METAP1: variants seen among roughly 807,000 people sequenced by gnomAD.
The protein encoded by METAP1 is methionine aminopeptidase 1.
A neutral mutation model predicts 53.8 loss-of-function variants in METAP1; 28 were observed. The observed-to-expected ratio is 0.52, with a 90% CI of 0.39 to 0.71. METAP1 has a LOEUF of 0.71. Among genes scored for constraint, METAP1 ranks in the 30% least tolerant of loss-of-function variants. The pLI, the probability that METAP1 is intolerant of heterozygous loss-of-function variation, is 0.00. For synonymous variants in METAP1, 181 were observed against 165.7 expected (o/e 1.09, Z -0.71); for missense variants, 389 against 479.8 (o/e 0.81, Z 1.77).
At chr4:99,025,584 A>G (rs1327491702) in intron 1 of METAP1, 1 of 672,492 alleles carries the variant, frequency 1.5e-6, no homozygotes, top group Non-Finnish European at 1.8e-6. Flanking sequence ...GAACCACACT[A>G]TCCCATTTTA....
chr4:99,057,535 A>G (rs1727242983), intron 9 of METAP1, among the ~76,000 whole-genome samples: 1 of 133,606 alleles, frequency 7.5e-6, no homozygotes, highest in East Asian at 4.1e-4. Flanking sequence ...TTTCCTAGAG[A>G]ACACATAAGC....
At chr4:99,033,622 C>A (rs1454244843) in intron 2 of METAP1, among the ~76,000 whole-genome samples, 3 of 152,190 alleles carry the variant, frequency 2.0e-5, no homozygotes, top group African/African-American at 7.2e-5. Context: ...ACCGTTCCCT[C>A]CCTTGTCTTT....
chr4:99,016,445 C>T (rs547744938), intron 1 of METAP1, among the ~76,000 whole-genome samples: 2 of 152,274 alleles, frequency 1.3e-5, no homozygotes, highest in Non-Finnish European at 2.9e-5. Flanking sequence ...TATTCCCATT[C>T]TATGTCCAGC....
intron 1 of METAP1, among the ~76,000 whole-genome samples, chr4:99,018,792 TA>T (rs1288251879): frequency 1.3e-5 from 2 of 152,324 alleles, no homozygotes; most frequent in East Asian, 3.9e-4. Flanking sequence ...AGTCCATCTT[TA>T]ATAAGGCCTT....
intron 1 of METAP1, among the ~76,000 whole-genome samples, chr4:99,012,885 G>T (rs1723557611): frequency 6.6e-6 from 1 of 152,086 alleles, no homozygotes; most frequent in South Asian, 2.1e-4. Flanking sequence ...ACAACTTGAA[G>T]TGGGGTCTTC....
chr4:99,023,532 T>C, intron 1 of METAP1: 1 of 985,370 alleles, frequency 1.0e-6, no homozygotes, highest in South Asian at 4.7e-5. Flanking sequence ...CATGAATTGA[T>C]GTTAGATTTG....
At chr4:98,997,167 A>G (rs952701455) in intron 1 of METAP1, among the ~76,000 whole-genome samples, 2 of 152,268 alleles carry the variant, frequency 1.3e-5, no homozygotes, top group Middle Eastern at 3.2e-3. Context: ...CACAATACAA[A>G]TAATAAAAGT....
At chr4:99,031,566 A>C in intron 2 of METAP1, 1 of 1,288,538 alleles carries the variant, frequency 7.8e-7, no homozygotes, top group Non-Finnish European at 1.0e-6. Flanking sequence ...ACCATGGGTT[A>C]TTCTAAGTCT....
rs975656424 is a variant in METAP1 at position 99,056,124 on chromosome 4, T to C, written c.932-1629T>C. Among the ~76,000 whole-genome samples, 5 of 152,168 alleles carry C rather than the reference T, an allele frequency of 3.3e-5. No individual in the cohort carries two copies. In the East Asian group the frequency reaches 5.8e-4, roughly 18 times the overall value. ...GACCATTCCTGGAAAGAGGAGAGTT[T>C]AGTTGAGTCAGCCTCAAAGGGCGGG... On this transcript the variant is annotated intron_variant, in intron 9 of 10. Coordinates refer to ENST00000296411, the MANE Select transcript of METAP1 (RefSeq NM_015143.3).
chr4:99,033,984 GT>G (rs1320322887), intron 2 of METAP1, among the ~76,000 whole-genome samples: 1 of 152,168 alleles, frequency 6.6e-6, no homozygotes, highest in Non-Finnish European at 1.5e-5. Flanking sequence ...TTTACATGGA[GT>G]TTTTTCTTCC....
intron 1 of METAP1, among the ~76,000 whole-genome samples, chr4:99,006,782 G>C (rs1723196758): frequency 6.6e-6 from 1 of 151,990 alleles, no homozygotes; most frequent in Non-Finnish European, 1.5e-5. Context: ...TCTTAATTTA[G>C]AATAGTCCTC....
intron 1 of METAP1, among the ~76,000 whole-genome samples, chr4:99,012,982 A>C (rs1723561883): frequency 6.6e-6 from 1 of 152,206 alleles, no homozygotes; most frequent in South Asian, 2.1e-4. Context: ...ATTAATAGAA[A>C]GGAGTGTCTG....
chr4:99,028,706 A>G (rs1422835516), intron 1 of METAP1, among the ~76,000 whole-genome samples, 161 bp from the exon 2 acceptor site: 1 of 152,244 alleles, frequency 6.6e-6, no homozygotes, highest in Non-Finnish European at 1.5e-5. Flanking sequence ...AATATTGAAC[A>G]GGTGTCATTT....
chr4:99,000,539 C>G (rs1245933680), intron 1 of METAP1, among the ~76,000 whole-genome samples: 1 of 151,824 alleles, frequency 6.6e-6, no homozygotes, highest in Non-Finnish European at 1.5e-5. Context: ...CCAAGGAAGG[C>G]TTAAAAATCT....
chr4:99,035,272 A>G, intron 3 of METAP1, 128 bp from the exon 4 acceptor site: 1 of 657,942 alleles, frequency 1.5e-6, no homozygotes, highest in Non-Finnish European at 2.6e-6. Flanking sequence ...AATCTTAATG[A>G]AATATATATC....
intron 1 of METAP1, among the ~76,000 whole-genome samples, chr4:99,024,135 T>A (rs1724368738): frequency 6.6e-6 from 1 of 152,234 alleles, no homozygotes; most frequent in Admixed American, 6.5e-5. Context: ...CCAGACATTG[T>A]ATGGAAAAGC....
intron 2 of METAP1, 45 bp from the exon 3 acceptor site, chr4:99,034,185 C>T: frequency 1.7e-6 from 2 of 1,154,130 alleles, no homozygotes; most frequent in Non-Finnish European, 2.5e-6. Context: ...CATTCCTTTC[C>T]CTCCTTCTCC....
intron 8 of METAP1, among the ~76,000 whole-genome samples, chr4:99,046,661 G>A (rs75768497): frequency 0.02 from 2,987 of 152,100 alleles, 92 homozygotes; most frequent in African/African-American, 0.067. Flanking sequence ...TTTTTAGTGC[G>A]TTCTTTAATG....
chr4:98,995,788 A>ACG lies in METAP1; in HGVS notation c.36_37dup (p.Gly13AlafsTer82). 6.5e-7 allele frequency: 1 copy of ACG among 1,546,314 alleles called. No homozygotes were observed. Among genetic ancestry groups the ACG allele is most frequent in the Non-Finnish European group, 8.7e-7 (1 of 1,144,600 alleles). ...GTGGAGACGCGGGTGTGCGAGACAG[A>ACG]CGGCTGCAGCAGTGAGGCCAAGCTC... On this transcript the variant is annotated frameshift_variant, in exon 1 of 11. Transcript: ENST00000296411. LOFTEE classifies it high-confidence loss of function.
Sources: allele counts gnomAD v4.1 joint callset (sites outside exome capture counted in the v4.1 genomes callset), GRCh38; gene constraint gnomAD v4.1.1; transcripts MANE v1.5; gene names NCBI Gene and HGNC (gene_info 2026-07-23, HGNC 2026-07-21).